IL12RB2: variants seen among roughly 807,000 people sequenced by gnomAD.
IL12RB2 encodes interleukin 12 receptor subunit beta 2, also known as interleukin-12 receptor subunit beta-2.
Under a neutral mutation model 89.4 loss-of-function variants are expected in IL12RB2, and 82 were observed. The observed-to-expected ratio is 0.92, with a 90% CI of 0.77 to 1.10. IL12RB2 has a LOEUF of 1.10. Among genes scored for constraint, IL12RB2 ranks in the 50% least tolerant of loss-of-function variants. The pLI, the probability that IL12RB2 is intolerant of heterozygous loss-of-function variation, is 0.00. For synonymous variants in IL12RB2, 368 were observed against 370.1 expected (o/e 0.99, Z 0.07); for missense variants, 963 against 1,031.9 (o/e 0.93, Z 0.92).
At chr1:67,375,563 A>G (rs1382939863) in intron 13 of IL12RB2, among the ~76,000 whole-genome samples, 1 of 152,168 alleles carries the variant, frequency 6.6e-6, no homozygotes, top group Non-Finnish European at 1.5e-5. Flanking sequence ...GAGAAAGGCA[A>G]AGCAGGAAGG....
In IL12RB2 at chr1:67,309,535, A is replaced by G. The variant is rs76770183; in HGVS notation, c.-125+1568A>G. On this transcript the variant is annotated intron_variant, in intron 1 of 16. Transcript: ENST00000674203. ...TATTTTAATGTGAAATCCTCAATAC[A>G]TTACACTATCTGTTAGGCACAACAG... Among the ~76,000 whole-genome samples, 685 of 152,326 alleles carry G rather than the reference A, an allele frequency of 4.5e-3. 4 individuals carry two copies. Among genetic ancestry groups the G allele is most frequent in the Non-Finnish European group, 7.6e-3 (519 of 68,030 alleles).
intron 10 of IL12RB2, among the ~76,000 whole-genome samples, chr1:67,359,723 A>T (rs1052535238): frequency 1.1e-4 from 17 of 151,606 alleles, no homozygotes; most frequent in Non-Finnish European, 2.2e-4. Flanking sequence ...CAAAAAAAAA[A>T]CAAAAAAACA....
At chr1:67,314,293 T>C (rs192801829) in intron 2 of IL12RB2, among the ~76,000 whole-genome samples, 1 of 152,310 alleles carries the variant, frequency 6.6e-6, no homozygotes, top group Admixed American at 6.5e-5. Flanking sequence ...CATACAACTC[T>C]AGTACACTGA....
intron 10 of IL12RB2, among the ~76,000 whole-genome samples, chr1:67,361,905 C>G (rs953486700): frequency 6.6e-6 from 1 of 152,170 alleles, no homozygotes; most frequent in Non-Finnish European, 1.5e-5. Context: ...AAAGAAAAAA[C>G]TCTTGAAAGA....
Position 67,395,598 on chromosome 1 carries a change from G to A in IL12RB2, c.2098G>A (p.Glu700Lys), listed in dbSNP as rs1666293077. 6.2e-7 allele frequency: 1 copy of A among 1,614,126 alleles called. No homozygotes were observed. The highest frequency in any genetic ancestry group is 8.5e-7 in the Non-Finnish European group (1 of 1,180,060). ...DRLLIDWPTP[E>K]DPEPLVISEV... The stretch of plus-strand genomic sequence containing the variant: ...GCTCCTGATAGACTGGCCCACGCCT[G>A]AAGATCCTGAACCGCTGGTCATCAG... The change falls in exon 17 of 17, where the codon GAA becomes AAA. Residue 700 changes from glutamate (E) to lysine (K), a missense_variant. Physicochemically the swap from Glu to Lys is moderately conservative, Grantham distance 56 (BLOSUM62 1). Coordinates refer to ENST00000674203, the MANE Select transcript of IL12RB2 (RefSeq NM_001374259.2).
chr1:67,378,488 C>A (rs1319541524), intron 13 of IL12RB2, among the ~76,000 whole-genome samples: 1 of 152,116 alleles, frequency 6.6e-6, no homozygotes. Context: ...TTATGTCAGA[C>A]TGAATAAGAT....
Position 67,329,736 on chromosome 1 carries a change from A to G in IL12RB2, c.807+7A>G. 6.3e-7 allele frequency: 1 copy of G among 1,596,876 alleles called. No homozygotes were observed. The highest frequency in any genetic ancestry group is 8.6e-7 in the Non-Finnish European group (1 of 1,164,344). ...CAGCAGGCTCTGGAATATGGTAATT[A>G]TCTTTAGAGTGAAGGAAAAAACACT... On this transcript the variant is annotated splice_region_variant and intron_variant, in intron 7 of 16. Coordinates refer to ENST00000674203, the MANE Select transcript of IL12RB2 (RefSeq NM_001374259.2).
chr1:67,370,547 C>G (rs548559802), intron 11 of IL12RB2, among the ~76,000 whole-genome samples: 12 of 152,268 alleles, frequency 7.9e-5, no homozygotes, highest in African/African-American at 2.9e-4. Flanking sequence ...GCAGAAAAAC[C>G]ACCTAAGTGA....
chr1:67,368,009 G>T lies in IL12RB2; in HGVS notation c.1443G>T (p.Val481=). The T allele has an allele frequency of 6.3e-7, 1 of 1,599,368 alleles. No homozygotes were observed. The highest frequency in any genetic ancestry group is 2.2e-5 in the East Asian group (1 of 44,808). The change falls in exon 11 of 17, where the codon GTG becomes GTT. Residue 481 remains valine (V), a synonymous_variant. Transcript: ENST00000674203. ...GGCTACGGAGTCGACCCTACAATGT[G>T]TCTGCTCTGATTTCAGGTACCTAAT... ...LNWLRSRPYN[V]SALISENIKS...
rs1295067735 is a variant in IL12RB2 at position 67,378,961 on chromosome 1, G to T, written c.1718-1025G>T. ...GCCTATAATCCCAGCACTTTGGGAG[G>T]CTGAGGTGGGCAGATCACTTGAGGC... On this transcript the variant is annotated intron_variant, in intron 13 of 16. Coordinates refer to ENST00000674203, the MANE Select transcript of IL12RB2 (RefSeq NM_001374259.2). Among the ~76,000 whole-genome samples, 4 of 152,210 alleles carry T rather than the reference G, an allele frequency of 2.6e-5. No homozygotes were observed. The East Asian group carries it at 7.7e-4, about 29-fold the overall frequency.
chr1:67,309,028 A>G (rs1654665167), intron 1 of IL12RB2, among the ~76,000 whole-genome samples: 1 of 149,114 alleles, frequency 6.7e-6, no homozygotes, highest in Non-Finnish European at 1.5e-5. Flanking sequence ...TTAAAAATAA[A>G]TACATACATA....
chr1:67,380,924 A>G lies in IL12RB2; in HGVS notation c.1855+801A>G, dbSNP rs540494377. Among the ~76,000 whole-genome samples, 9 of 152,252 alleles carry G rather than the reference A, an allele frequency of 5.9e-5. No individual in the cohort carries two copies. The South Asian group carries it at 1.9e-3, about 32-fold the overall frequency. ...TCCAGTATAACTTCATCTTAATTATATATGCAATGATCCTAATTTCAAATG... is the reference window on the plus strand; with the variant it reads ...TCCAGTATAACTTCATCTTAATTATGTATGCAATGATCCTAATTTCAAATG... On this transcript the variant is annotated intron_variant, in intron 14 of 16. Coordinates refer to ENST00000674203, the MANE Select transcript of IL12RB2 (RefSeq NM_001374259.2).
intron 1 of IL12RB2, among the ~76,000 whole-genome samples, chr1:67,312,656 G>C (rs1289710639): frequency 1.7e-5 from 1 of 59,266 alleles, no homozygotes; most frequent in Non-Finnish European, 3.6e-5. Context: ...AGAGAGAAAA[G>C]AATAAAGGAA....
Position 67,372,478 on chromosome 1 carries a change from C to A in IL12RB2, c.1502C>A (p.Ala501Glu). ...SYICYEIRVY[A>E]LSGDQGGCSS... ...ATCTGTTATGAAATCCGTGTGTATG[C>A]ACTCTCAGGGGATCAAGGAGGATGC... Residue 501 changes from alanine (A) to glutamate (E), a missense_variant, in exon 12 of 17, where the codon GCA becomes GAA. By Grantham distance (107) the Ala-to-Glu change is moderately radical. Transcript: ENST00000674203. The A allele has an allele frequency of 6.3e-7, 1 of 1,599,272 alleles. No homozygotes were observed. The highest frequency in any genetic ancestry group is 8.6e-7 in the Non-Finnish European group (1 of 1,166,500).
intron 2 of IL12RB2, among the ~76,000 whole-genome samples, chr1:67,319,343 A>T (rs1656195702): frequency 6.6e-6 from 1 of 152,238 alleles, no homozygotes; most frequent in South Asian, 2.1e-4. Context: ...TTTGAAACAG[A>T]TCAGAAATTG....
intron 10 of IL12RB2, among the ~76,000 whole-genome samples, chr1:67,359,535 G>C (rs549435361): frequency 1.3e-5 from 2 of 151,796 alleles, no homozygotes; most frequent in African/African-American, 4.8e-5. Flanking sequence ...CAGCCTGGCC[G>C]ACATGGTGAA....
At chr1:67,349,547 A>G (rs559109426) in intron 9 of IL12RB2, among the ~76,000 whole-genome samples, 2 of 152,328 alleles carry the variant, frequency 1.3e-5, no homozygotes, top group South Asian at 4.1e-4. Context: ...GCTGCGACAG[A>G]CATTTGAAAT....
chr1:67,347,089 C>T (rs1238013606), intron 9 of IL12RB2, among the ~76,000 whole-genome samples: 1 of 151,954 alleles, frequency 6.6e-6, no homozygotes, highest in South Asian at 2.1e-4. Flanking sequence ...CACTGAGGCT[C>T]AAAAAGGGAA....
chr1:67,371,320 GCTGT>G (rs761804606), intron 11 of IL12RB2, among the ~76,000 whole-genome samples: 24 of 151,930 alleles, frequency 1.6e-4, no homozygotes, highest in African/African-American at 3.4e-4. Flanking sequence ...AGTTTTATGT[GCTGT>G]CTATTTGCTG....
Sources: allele counts gnomAD v4.1 joint callset (sites outside exome capture counted in the v4.1 genomes callset), GRCh38; gene constraint gnomAD v4.1.1; transcripts MANE v1.5; gene names NCBI Gene and HGNC (gene_info 2026-07-23, HGNC 2026-07-21).